Variants in ADGB observed in about 807,000 individuals in gnomAD.
ADGB encodes the protein androglobin.
ADGB carries 172 observed loss-of-function variants against 210.5 expected under a neutral mutation model. The observed-to-expected ratio is 0.82, with a 90% CI of 0.72 to 0.93. The LOEUF is 0.93. ADGB is among the 40% of genes least tolerant of loss of function. The probability of loss-of-function intolerance (pLI) is 0.00; values close to 1 mark genes in which losing one functional copy is unlikely to be tolerated. For synonymous variants in ADGB, 658 were observed against 662.7 expected (o/e 0.99, Z 0.11); for missense variants, 2,025 against 1,964.8 (o/e 1.03, Z -0.58).
chr6:146,769,846 G>A (rs1443270556), intron 29 of ADGB, among the ~76,000 whole-genome samples: 1 of 152,086 alleles, frequency 6.6e-6, no homozygotes, highest in Non-Finnish European at 1.5e-5. Context: ...TTCTTCCTGG[G>A]TCCCATTAAC....
chr6:146,644,737 GAA>G (rs1775581169), intron 2 of ADGB, 34 bp from the exon 3 acceptor site: 2 of 1,182,720 alleles, frequency 1.7e-6, no homozygotes, highest in East Asian at 5.5e-5. Context: ...TTTAATAAAA[GAA>G]TATGCAGAAA....
intron 11 of ADGB, among the ~76,000 whole-genome samples, chr6:146,692,293 C>T (rs953119417): frequency 6.6e-5 from 10 of 151,906 alleles, no homozygotes; most frequent in African/African-American, 2.4e-4. Context: ...TTGAGAATTT[C>T]TTTCTTCTGG....
intron 7 of ADGB, among the ~76,000 whole-genome samples, chr6:146,671,388 C>T (rs1776006680): frequency 6.6e-6 from 1 of 152,082 alleles, no homozygotes; most frequent in African/African-American, 2.4e-5. Flanking sequence ...AGGTAGTATC[C>T]AACGGACACT....
At chr6:146,732,801 AT>A (rs1777013944) in intron 20 of ADGB, among the ~76,000 whole-genome samples, 1 of 152,166 alleles carries the variant, frequency 6.6e-6, no homozygotes, top group Non-Finnish European at 1.5e-5. Flanking sequence ...AAAATAAGCT[AT>A]TTAACTTGCT....
intron 2 of ADGB, among the ~76,000 whole-genome samples, chr6:146,641,923 G>C (rs1775522103): frequency 6.6e-6 from 1 of 152,014 alleles, no homozygotes; most frequent in South Asian, 2.1e-4. Context: ...TTAAACTTAA[G>C]AGCTTCTGCA....
intron 13 of ADGB, among the ~76,000 whole-genome samples, chr6:146,711,620 C>T (rs1268427266): frequency 6.6e-6 from 1 of 152,150 alleles, no homozygotes; most frequent in Non-Finnish European, 1.5e-5. Flanking sequence ...CATTCTCCCA[C>T]CTAATTTATA....
At chr6:146,756,072 G>A (rs1487976996) in intron 27 of ADGB, among the ~76,000 whole-genome samples, 1 of 151,982 alleles carries the variant, frequency 6.6e-6, no homozygotes, top group Non-Finnish European at 1.5e-5. Context: ...GGCAAATTAG[G>A]GAGTATAAGC....
chr6:146,628,832 C>G (rs1195336947), intron 1 of ADGB, among the ~76,000 whole-genome samples: 1 of 152,082 alleles, frequency 6.6e-6, no homozygotes, highest in African/African-American at 2.4e-5. Context: ...CATCTCTGCA[C>G]ACATCATTTC....
chr6:146,615,089 A>G (rs914456996), intron 1 of ADGB, among the ~76,000 whole-genome samples: 7 of 149,486 alleles, frequency 4.7e-5, no homozygotes, highest in African/African-American at 1.7e-4. Flanking sequence ...TTGTATTTTT[A>G]GTAGAGACGG....
At chr6:146,601,099 A>G (rs1780550075) in intron 1 of ADGB, among the ~76,000 whole-genome samples, 2 of 152,080 alleles carry the variant, frequency 1.3e-5, no homozygotes, top group South Asian at 4.1e-4. Context: ...CCATAAAGAA[A>G]CTTATCAAAC....
At chr6:146,716,453 C>T (rs959085656) in intron 14 of ADGB, among the ~76,000 whole-genome samples, 5 of 141,906 alleles carry the variant, frequency 3.5e-5, no homozygotes, top group African/African-American at 9.3e-5. Context: ...ATTAGCCGGG[C>T]GCGGTGGCGG....
At chr6:146,807,658 CTGA>C (rs1778232818) in intron 35 of ADGB, 6 of 1,222,926 alleles carry the variant, frequency 4.9e-6, no homozygotes, top group Admixed American at 3.0e-5. Context: ...TAACTGCCTG[CTGA>C]TAAGATATTG....
At chr6:146,807,946 T>C (rs1451823130) in intron 35 of ADGB, 3 of 156,994 alleles carry the variant, frequency 1.9e-5, no homozygotes, top group African/African-American at 7.2e-5. Flanking sequence ...AGAAGAAATT[T>C]AGTCTTAAAC....
intron 3 of ADGB, among the ~76,000 whole-genome samples, chr6:146,650,055 C>G (rs986022761): frequency 6.6e-6 from 1 of 152,140 alleles, no homozygotes; most frequent in African/African-American, 2.4e-5. Context: ...ACTCACTGCC[C>G]TATGAAAGAT....
At chr6:146,665,356 GT>G (rs1305557853) in intron 6 of ADGB, among the ~76,000 whole-genome samples, 1 of 151,914 alleles carries the variant, frequency 6.6e-6, no homozygotes, top group Non-Finnish European at 1.5e-5. Context: ...CCAGCCCTCA[GT>G]TTTCCTTTGG....
chr6:146,710,579 T>C (rs1776644254), intron 13 of ADGB, among the ~76,000 whole-genome samples: 2 of 152,104 alleles, frequency 1.3e-5, no homozygotes, highest in Non-Finnish European at 2.9e-5. Flanking sequence ...TGGTATAAGA[T>C]ACTCTGGAGG....
intron 1 of ADGB, among the ~76,000 whole-genome samples, chr6:146,627,196 A>G (rs969792399): frequency 4.2e-4 from 35 of 83,416 alleles, no homozygotes; most frequent in Middle Eastern, 6.0e-3. Flanking sequence ...ACCGAATATA[A>G]TAACTATATT....
At chr6:146,634,382 A>G (rs543746589) in intron 1 of ADGB, among the ~76,000 whole-genome samples, 4 of 152,070 alleles carry the variant, frequency 2.6e-5, no homozygotes, top group Non-Finnish European at 4.4e-5. Context: ...TATGATATTT[A>G]ATTTGTATCC....
intron 4 of ADGB, among the ~76,000 whole-genome samples, chr6:146,654,608 T>TC (rs1355221938): frequency 6.6e-6 from 1 of 152,060 alleles, no homozygotes; most frequent in Non-Finnish European, 1.5e-5. Flanking sequence ...CCACACGGCC[T>TC]CCCAAAGTGC....
Sources: allele counts gnomAD v4.1 joint callset (sites outside exome capture counted in the v4.1 genomes callset), GRCh38; gene constraint gnomAD v4.1.1; transcripts MANE v1.5; gene names NCBI Gene and HGNC (gene_info 2026-07-23, HGNC 2026-07-21).